Variants in MCTP1 observed in about 807,000 individuals in gnomAD.
The protein encoded by MCTP1 is multiple C2 and transmembrane domain containing 1, also known as multiple C2 and transmembrane domain-containing protein 1.
A neutral mutation model predicts 120.6 loss-of-function variants in MCTP1; 69 were observed. The observed-to-expected ratio is 0.57, with a 90% CI of 0.47 to 0.70. The LOEUF (loss-of-function observed/expected upper bound fraction) is 0.70, where lower values mean the gene tolerates loss of function less well. Among genes scored for constraint, MCTP1 ranks in the 30% least tolerant of loss-of-function variants. The probability of loss-of-function intolerance (pLI) is 0.00; values close to 1 mark genes in which losing one functional copy is unlikely to be tolerated. For missense variants in MCTP1, 1,203 were observed against 1,248.8 expected (o/e 0.96, Z 0.55); for synonymous variants, 529 against 493.1 (o/e 1.07, Z -0.96).
At chr5:94,909,418 G>A in intron 9 of MCTP1, 37 bp from the exon 10 acceptor site, 1 of 1,555,424 alleles carries the variant, frequency 6.4e-7, no homozygotes, top group South Asian at 1.2e-5. Context: ...ATTGCTAGCA[G>A]CTTTTTAAAA....
intron 1 of MCTP1, among the ~76,000 whole-genome samples, chr5:95,102,980 T>C (rs1582256331): frequency 2.6e-5 from 4 of 152,298 alleles, no homozygotes; most frequent in Admixed American, 2.6e-4. Flanking sequence ...CTTAGTTTCC[T>C]TAGCAAAATA....
rs956405111 is a variant in MCTP1, at chr5:94,733,821, G to A, written c.2611-18935C>T. On this transcript the variant is annotated intron_variant, in intron 19 of 22. Transcript: ENST00000515393. ...TCTACTAAAAATACAAAAATTAGCCGGGCGTGGTGGCGGGCACCTGTAGTC... is the reference window on the plus strand; with the variant it reads ...TCTACTAAAAATACAAAAATTAGCCAGGCGTGGTGGCGGGCACCTGTAGTC... 1.2e-3 allele frequency among the ~76,000 whole-genome samples: 178 copies of A among 151,870 alleles called. 2 individuals are homozygous for A. The highest frequency in any genetic ancestry group is 4.1e-3 in the African/African-American group (170 of 41,408).
At chr5:95,133,914 C>T (rs1343748565) in intron 1 of MCTP1, among the ~76,000 whole-genome samples, 1 of 152,198 alleles carries the variant, frequency 6.6e-6, no homozygotes, top group Non-Finnish European at 1.5e-5. Flanking sequence ...TTTTCTGCTT[C>T]CTACTTGAAT....
chr5:94,768,191 G>GGATA (rs1773237158), intron 19 of MCTP1, among the ~76,000 whole-genome samples: 1 of 152,080 alleles, frequency 6.6e-6, no homozygotes, highest in Non-Finnish European at 1.5e-5. Flanking sequence ...TGGGAAAACT[G>GGATA]GATATCCATA....
intron 2 of MCTP1, among the ~76,000 whole-genome samples, chr5:95,001,838 A>C (rs539917115): frequency 6.6e-6 from 1 of 152,348 alleles, no homozygotes; most frequent in African/African-American, 2.4e-5. Context: ...AGTAACGAGG[A>C]GCCAAATGTT....
At position 95,153,434 on chromosome 5, in the gene MCTP1, C is replaced by A. The variant is rs192117421; in HGVS notation, c.720+130422G>T. 1.1e-3 allele frequency among the ~76,000 whole-genome samples: 167 copies of A among 152,284 alleles called. 1 individual carries two copies. Among genetic ancestry groups the A allele is most frequent in the African/African-American group, 3.8e-3 (158 of 41,570 alleles). Reference sequence around the variant, plus strand: ...TAATACAATTATATACATACAAGTTCAGTGAACCAAACTGAATCCTTGCCA... The same window carrying A: ...TAATACAATTATATACATACAAGTTAAGTGAACCAAACTGAATCCTTGCCA... On this transcript the variant is annotated intron_variant, in intron 1 of 22. Transcript: ENST00000515393.
rs1561784601 is a variant in MCTP1, at chr5:94,873,203, CGTT to C, written c.1969_1971del (p.Asn657del). The C allele has an allele frequency of 5.0e-6, 8 of 1,610,992 alleles. No individual in the cohort carries two copies. The highest frequency in any genetic ancestry group is 2.2e-5 in the East Asian group (1 of 44,742). ...TAGACAGTATGTGTTAGCAGTCTAT[CGTT>C]GTTCAGTTCTACCACACAAAATGGG... On this transcript the variant is annotated inframe_deletion, in exon 13 of 23. Coordinates refer to ENST00000515393, the MANE Select transcript of MCTP1 (RefSeq NM_024717.7).
intron 12 of MCTP1, among the ~76,000 whole-genome samples, chr5:94,879,411 T>C (rs922920053): frequency 7.2e-5 from 11 of 152,088 alleles, no homozygotes; most frequent in African/African-American, 2.7e-4. Flanking sequence ...CCAGTCATTA[T>C]GGCAACTAAA....
chr5:95,101,026 A>G (rs1310186455), intron 1 of MCTP1, among the ~76,000 whole-genome samples: 5 of 152,182 alleles, frequency 3.3e-5, no homozygotes, highest in Non-Finnish European at 7.4e-5. Context: ...GCCAGTGACA[A>G]TGTCATGACT....
intron 17 of MCTP1, among the ~76,000 whole-genome samples, chr5:94,817,808 T>G (rs17084109): frequency 0.059 from 8,969 of 152,300 alleles, 541 homozygotes; most frequent in African/African-American, 0.15. Flanking sequence ...TTAGGAACTG[T>G]TGGCCGATCC....
At chr5:94,844,900 A>G (rs566206756) in intron 17 of MCTP1, among the ~76,000 whole-genome samples, 104 of 151,858 alleles carry the variant, frequency 6.8e-4, no homozygotes, top group African/African-American at 2.5e-3. Flanking sequence ...TCTTTCCTGG[A>G]AGAAACCCAG....
chr5:95,079,981 T>C (rs906825119), intron 1 of MCTP1, among the ~76,000 whole-genome samples: 2 of 152,166 alleles, frequency 1.3e-5, no homozygotes, highest in African/African-American at 4.8e-5. Flanking sequence ...AAGAGTACAG[T>C]TATATAAATA....
At chr5:94,830,964 G>C (rs1788383947) in intron 17 of MCTP1, among the ~76,000 whole-genome samples, 1 of 152,096 alleles carries the variant, frequency 6.6e-6, no homozygotes, top group Admixed American at 6.6e-5. Flanking sequence ...TGAAGGTAAT[G>C]GATGTGCACA....
At chr5:94,831,794 T>G (rs922532640) in intron 17 of MCTP1, among the ~76,000 whole-genome samples, 2 of 152,240 alleles carry the variant, frequency 1.3e-5, no homozygotes, top group Admixed American at 6.5e-5. Context: ...TATACATATT[T>G]CTGAGGCAAA....
intron 19 of MCTP1, among the ~76,000 whole-genome samples, chr5:94,726,174 GCTCA>G (rs1762094596): frequency 6.6e-6 from 1 of 152,114 alleles, no homozygotes; most frequent in Non-Finnish European, 1.5e-5. Flanking sequence ...CTCAATTTGT[GCTCA>G]CTCTCCTTGG....
At chr5:94,835,970 C>T (rs921018442) in intron 17 of MCTP1, among the ~76,000 whole-genome samples, 2 of 152,012 alleles carry the variant, frequency 1.3e-5, no homozygotes, top group African/African-American at 4.8e-5. Context: ...TGCCACTGCA[C>T]TCCAGCCTGG....
At chr5:94,977,887 G>T (rs1828474134) in intron 2 of MCTP1, among the ~76,000 whole-genome samples, 1 of 152,042 alleles carries the variant, frequency 6.6e-6, no homozygotes, top group South Asian at 2.1e-4. Context: ...TTTTGTCAAT[G>T]ATTGCGTGAG....
At chr5:95,104,022 A>G (rs1435581948) in intron 1 of MCTP1, among the ~76,000 whole-genome samples, 1 of 152,162 alleles carries the variant, frequency 6.6e-6, no homozygotes, top group Admixed American at 6.5e-5. Flanking sequence ...TCTCCATCAT[A>G]TCAGAGTACC....
intron 19 of MCTP1, among the ~76,000 whole-genome samples, chr5:94,754,325 T>C (rs1477245251): frequency 6.6e-6 from 1 of 152,196 alleles, no homozygotes; most frequent in African/African-American, 2.4e-5. Flanking sequence ...AATAAAAATG[T>C]ATTGGAAAAA....
Sources: allele counts gnomAD v4.1 joint callset (sites outside exome capture counted in the v4.1 genomes callset), GRCh38; gene constraint gnomAD v4.1.1; transcripts MANE v1.5; gene names NCBI Gene and HGNC (gene_info 2026-07-23, HGNC 2026-07-21).